CCDC150: variants seen among roughly 807,000 people sequenced by gnomAD.
CCDC150 encodes coiled-coil domain-containing protein 150.
In CCDC150, 151 loss-of-function variants were observed where a neutral mutation model predicts 156.5. That is an observed-to-expected ratio of 0.97 (90% CI 0.85 to 1.10). CCDC150 has a LOEUF of 1.10. CCDC150 is among the 50% of genes least tolerant of loss of function. The probability of loss-of-function intolerance (pLI) is 0.00; values close to 1 mark genes in which losing one functional copy is unlikely to be tolerated. For missense variants in CCDC150, 1,312 were observed against 1,268.1 expected (o/e 1.03, Z -0.53); for synonymous variants, 452 against 429.4 (o/e 1.05, Z -0.65).
chr2:196,657,025 C>A lies in CCDC150; in HGVS notation c.465C>A (p.Leu155=). 1 of 1,613,608 alleles carries A rather than the reference C, an allele frequency of 6.2e-7. No individual in the cohort carries two copies. The highest frequency in any genetic ancestry group is 1.1e-5 in the South Asian group (1 of 91,042). ...CTAAGGACCTGAAGCTGTTGCATCT[C>A]GAAGTTATGAATTTGCGCCAGCAAC... ...EHSKDLKLLH[L]EVMNLRQQLR... is the part of the protein sequence containing the mutation. The change falls in exon 4 of 28, where the codon CTC becomes CTA. Residue 155 remains leucine, a synonymous_variant. Transcript: ENST00000389175.
chr2:196,671,930 T>C (rs1485786301), intron 8 of CCDC150, among the ~76,000 whole-genome samples: 1 of 152,214 alleles, frequency 6.6e-6, no homozygotes, highest in Admixed American at 6.5e-5. Context: ...GCATGATTAC[T>C]GGATCATATG....
chr2:196,730,408 T>A (rs181053100), intron 25 of CCDC150, among the ~76,000 whole-genome samples: 11 of 152,336 alleles, frequency 7.2e-5, no homozygotes, highest in Admixed American at 7.2e-4. Context: ...TGAACTGAAT[T>A]TCATAGCCTT....
intron 19 of CCDC150, 99 bp downstream of exon 19, chr2:196,719,765 C>CA (rs368182383): frequency 0.087 from 44,657 of 515,450 alleles, 291 homozygotes; most frequent in East Asian, 0.12. Context: ...GCTTCCTTTA[C>CA]AAAAAAAAAA....
intron 14 of CCDC150, among the ~76,000 whole-genome samples, chr2:196,696,462 TCTGA>T (rs1695837334): frequency 1.3e-5 from 2 of 152,232 alleles, no homozygotes; most frequent in South Asian, 4.1e-4. Context: ...ACATTCTCAG[TCTGA>T]CTGATTCTTT....
At chr2:196,658,885 A>C (rs1315814066) in intron 5 of CCDC150, 25 bp downstream of exon 5, 2 of 1,534,380 alleles carry the variant, frequency 1.3e-6, no homozygotes, top group Admixed American at 1.8e-5. Context: ...TGGAGGGTGG[A>C]GGAGGTGTTG....
Position 196,664,818 on chromosome 2 carries a change from T to G in CCDC150, c.646-749T>G, listed in dbSNP as rs77270234. Among the ~76,000 whole-genome samples the G allele has an allele frequency of 1.2e-3, 184 of 151,918 alleles. 4 individuals carry two copies. The East Asian group carries it at 0.029, about 24-fold the overall frequency. On this transcript the variant is annotated intron_variant, in intron 5 of 27. Coordinates refer to ENST00000389175, the MANE Select transcript of CCDC150 (RefSeq NM_001080539.2). ...CATTAGCACACAAAAGACACTCTTA[T>G]GAGGTGATTCCAAGTTTTTTATGAG...
chr2:196,659,513 A>T (rs1009629770), intron 5 of CCDC150, among the ~76,000 whole-genome samples: 1 of 152,226 alleles, frequency 6.6e-6, no homozygotes, highest in African/African-American at 2.4e-5. Flanking sequence ...GAAAATTCTT[A>T]TGCAAAACTA....
intron 26 of CCDC150, among the ~76,000 whole-genome samples, 192 bp downstream of exon 26, chr2:196,731,137 A>G (rs529851302): frequency 6.6e-6 from 1 of 152,214 alleles, no homozygotes; most frequent in Admixed American, 6.5e-5. Context: ...CTGTGTCCAG[A>G]TGACAGATGA....
At chr2:196,726,282 C>T in intron 22 of CCDC150, 183 bp downstream of exon 22, 1 of 564,096 alleles carries the variant, frequency 1.8e-6, no homozygotes, top group Non-Finnish European at 3.0e-6. Context: ...ACATAATTCT[C>T]TGCCCGACAA....
At chr2:196,667,715 G>A (rs1452551595) in intron 7 of CCDC150, 1 of 152,212 alleles carries the variant, frequency 6.6e-6, no homozygotes. Context: ...TATGGCTGCT[G>A]TAATGGGGGC....
At chr2:196,728,520 C>T (rs1310429789) in intron 22 of CCDC150, among the ~76,000 whole-genome samples, 3 of 152,098 alleles carry the variant, frequency 2.0e-5, no homozygotes, top group Non-Finnish European at 2.9e-5. Context: ...TATTAGAAGG[C>T]GTGAACGCTG....
intron 5 of CCDC150, among the ~76,000 whole-genome samples, chr2:196,664,039 T>C (rs117222758): frequency 6.6e-6 from 1 of 152,258 alleles, no homozygotes; most frequent in East Asian, 1.9e-4. Context: ...ATTCTTTTTA[T>C]AGTCACTTAT....
At position 196,732,504 on chromosome 2, in the gene CCDC150, G is replaced by A. The variant is rs1019345355; in HGVS notation, c.3248G>A (p.Arg1083Lys). 3 of 1,613,722 alleles carry A rather than the reference G, an allele frequency of 1.9e-6. No individual in the cohort carries two copies. The highest frequency in any genetic ancestry group is 2.5e-6 in the Non-Finnish European group (3 of 1,179,798). ...CAATCTGTTCTGCATCGATGGGAGA[G>A]AAAACAGAATCTTAGGCCCATGCCC... ...SNQSVLHRWE[R>K]KQNLRPMPKK... The change falls in exon 28 of 28, where the codon AGA becomes AAA. Residue 1083 changes from arginine (R) to lysine (K), a missense_variant. Physicochemically the swap from Arg to Lys is conservative, Grantham distance 26. Transcript: ENST00000389175.
At chr2:196,652,860 T>G (rs564356875) in intron 2 of CCDC150, among the ~76,000 whole-genome samples, 3 of 152,358 alleles carry the variant, frequency 2.0e-5, no homozygotes, top group African/African-American at 7.2e-5. Flanking sequence ...ATTCTTGCAT[T>G]CTGCATGCCT....
chr2:196,664,575 AC>A (rs970940419), intron 5 of CCDC150, among the ~76,000 whole-genome samples: 13 of 152,154 alleles, frequency 8.5e-5, no homozygotes, highest in African/African-American at 2.9e-4. Flanking sequence ...AGCACTCTGA[AC>A]CCAGTTCTTT....
intron 1 of CCDC150, among the ~76,000 whole-genome samples, chr2:196,641,266 C>T (rs1043989149): frequency 2.6e-5 from 4 of 152,094 alleles, no homozygotes; most frequent in South Asian, 4.1e-4. Flanking sequence ...CGTGAGCCAC[C>T]GCGCCCAGCC....
intron 13 of CCDC150, among the ~76,000 whole-genome samples, chr2:196,686,768 C>A (rs1695152217): frequency 1.3e-5 from 2 of 152,084 alleles, no homozygotes; most frequent in Non-Finnish European, 2.9e-5. Context: ...CTCCACCCAC[C>A]CTCCACCCTC....
At chr2:196,725,930 A>G (rs778965883) in intron 21 of CCDC150, 43 bp from the exon 22 acceptor site, 7 of 1,542,196 alleles carry the variant, frequency 4.5e-6, no homozygotes, top group African/African-American at 1.4e-5. Context: ...ACCTCCTAAA[A>G]TGATTTCTAA....
chr2:196,718,666 G>A (rs1697690677), intron 18 of CCDC150, 35 bp downstream of exon 18: 1 of 1,605,116 alleles, frequency 6.2e-7, no homozygotes, highest in African/African-American at 1.3e-5. Context: ...GTCTGTCACT[G>A]AGAAGAAGCA....
Sources: allele counts gnomAD v4.1 joint callset (sites outside exome capture counted in the v4.1 genomes callset), GRCh38; gene constraint gnomAD v4.1.1; transcripts MANE v1.5; gene names NCBI Gene and HGNC (gene_info 2026-07-23, HGNC 2026-07-21).